FBXO34: variants seen among roughly 807,000 people sequenced by gnomAD.
FBXO34 encodes the protein F-box only protein 34.
FBXO34 carries 12 observed loss-of-function variants against 24.5 expected under a neutral mutation model. The observed-to-expected ratio is 0.49, with a 90% CI of 0.31 to 0.79. The LOEUF (loss-of-function observed/expected upper bound fraction) is 0.79, where lower values mean the gene tolerates loss of function less well. FBXO34 is among the 30% of genes least tolerant of loss of function. The pLI is 0.04. For synonymous variants in FBXO34, 320 were observed against 311.9 expected, an observed-to-expected ratio of 1.03 and a Z score of -0.27; for missense variants, 823 against 857.7, an observed-to-expected ratio of 0.96 and a Z score of 0.51.
rs369899790 is a variant in FBXO34, at chr14:55,352,365, C to T, written c.1975C>T (p.Pro659Ser). The change falls in exon 2 of 2, where the codon CCC (proline) becomes TCC (serine). Residue 659 changes from proline (P) to serine (S), a missense_variant. Coordinates refer to ENST00000313833, the MANE Select transcript of FBXO34 (RefSeq NM_017943.4). ...CCCCAAGCCCTATTGCCAGGCATTG[C>T]CCTATGGGCCAGGGTATTGGATGTG... ...WHPKPYCQAL[P>S]YGPGYWMCCH... 1.2e-6 allele frequency: 2 copies of T among 1,614,110 alleles called. No individual in the cohort carries two copies. The highest frequency in any genetic ancestry group is 1.7e-6 in the Non-Finnish European group (2 of 1,180,038).
At chr14:55,362,821 ATGT>A (rs1235332253), downstream of FBXO34, among the ~76,000 whole-genome samples, 2 of 152,106 alleles carry the variant, frequency 1.3e-5, no homozygotes, top group Admixed American at 1.3e-4. Context: ...CACTCCAGAA[ATGT>A]TGTCTTGACA....
the FBXO34 span, chr14:55,440,748 T>G: frequency 1.8e-6 from 1 of 561,254 alleles, no homozygotes; most frequent in African/African-American, 2.0e-5. Context: ...TGCCCGCAGC[T>G]GGGAAGGGCC....
intron 1 of FBXO34, among the ~76,000 whole-genome samples, chr14:55,316,564 C>CAAA (rs35008153): frequency 8.5e-6 from 1 of 118,170 alleles, no homozygotes; most frequent in Non-Finnish European, 1.8e-5. Flanking sequence ...CTGTCTCTAC[C>CAAA]AAAAAAAAAA....
downstream of FBXO34, chr14:55,369,810 C>T (rs1245771467): frequency 4.3e-6 from 7 of 1,614,050 alleles, no homozygotes; most frequent in African/African-American, 1.3e-5. Context: ...GTGCCCAGGT[C>T]GGTTTCTTCA....
chr14:55,396,157 C>T, the FBXO34 span, among the ~76,000 whole-genome samples: 1 of 152,270 alleles, frequency 6.6e-6, no homozygotes, highest in African/African-American at 2.4e-5. Context: ...TTTTTTTCAT[C>T]TCCTTCCTTT....
At chr14:55,407,254 G>A in the FBXO34 span, among the ~76,000 whole-genome samples, 3 of 152,140 alleles carry the variant, frequency 2.0e-5, no homozygotes, top group African/African-American at 4.8e-5. Context: ...TCAGCCTCCT[G>A]AGTAGCTGAG....
At chr14:55,439,617 C>CCCCTCCCCCG in the FBXO34 span, among the ~76,000 whole-genome samples, 1 of 72,698 alleles carries the variant, frequency 1.4e-5, no homozygotes, top group South Asian at 5.7e-4. Flanking sequence ...AAAGCAAACC[C>CCCCTCCCCCG]CCCCCCGTCT....
the FBXO34 span, among the ~76,000 whole-genome samples, chr14:55,375,421 C>T: frequency 6.6e-6 from 1 of 151,618 alleles, no homozygotes; most frequent in African/African-American, 2.4e-5. Context: ...CTCCTCAACT[C>T]AGGCGACCCT....
chr14:55,328,864 T>C (rs958371463), intron 1 of FBXO34, among the ~76,000 whole-genome samples: 57 of 152,174 alleles, frequency 3.7e-4, no homozygotes, highest in Non-Finnish European at 2.9e-5. Flanking sequence ...TTGATGCCTG[T>C]GTTTTCAAAA....
At chr14:55,363,593 T>G (rs886804308), downstream of FBXO34, among the ~76,000 whole-genome samples, 1 of 152,084 alleles carries the variant, frequency 6.6e-6, no homozygotes, top group Non-Finnish European at 1.5e-5. Context: ...TCTCCCAAAG[T>G]GCTGGGATCA....
At chr14:55,281,991 C>CTTTTTTTTTTTT (rs372305828) in intron 1 of FBXO34, among the ~76,000 whole-genome samples, 3 of 65,134 alleles carry the variant, frequency 4.6e-5, no homozygotes, top group African/African-American at 1.5e-4. Context: ...TTAAATTTAG[C>CTTTTTTTTTTTT]TTTTTTTTTT....
chr14:55,339,725 T>C (rs1185640481), intron 1 of FBXO34, among the ~76,000 whole-genome samples: 1 of 152,174 alleles, frequency 6.6e-6, no homozygotes, highest in Non-Finnish European at 1.5e-5. Flanking sequence ...CTTGGTAAGC[T>C]ACAAAAACAG....
chr14:55,394,910 T>G, the FBXO34 span: 1 of 377,224 alleles, frequency 2.7e-6, no homozygotes, highest in Non-Finnish European at 5.1e-6. Flanking sequence ...GTCTTCTGGT[T>G]GTACCAAAAA....
downstream of FBXO34, among the ~76,000 whole-genome samples, chr14:55,371,486 G>C (rs1482263576): frequency 6.6e-6 from 1 of 152,276 alleles, no homozygotes; most frequent in African/African-American, 2.4e-5. Flanking sequence ...TTCCCACTTG[G>C]TCTCCAGTGA....
chr14:55,323,025 A>AAAAC (rs1555337879), intron 1 of FBXO34, among the ~76,000 whole-genome samples: 1 of 107,742 alleles, frequency 9.3e-6, no homozygotes, highest in African/African-American at 3.5e-5. Flanking sequence ...TACAAAAAAA[A>AAAAC]AAAAAAAAGC....
chr14:55,285,309 G>T (rs1186623539), intron 1 of FBXO34: 1 of 151,358 alleles, frequency 6.6e-6, no homozygotes, highest in East Asian at 1.9e-4. Context: ...GGCAGAGGTT[G>T]CAGTGAGCCG....
At chr14:55,302,975 A>G (rs1478063295) in intron 1 of FBXO34, among the ~76,000 whole-genome samples, 3 of 152,222 alleles carry the variant, frequency 2.0e-5, no homozygotes, top group African/African-American at 7.2e-5. Flanking sequence ...TCAGCCGATC[A>G]TGGGATTGAA....
chr14:55,351,048 G>A lies in FBXO34; in HGVS notation c.658G>A (p.Ala220Thr). The part of the protein sequence containing the change: ...MVAFLEQRAS[A>T]LLASCSKNCT... The stretch of plus-strand genomic sequence containing the variant: ...TGCCTTCTTGGAGCAAAGAGCCAGT[G>A]CTCTGCTAGCTAGCTGTTCAAAAAA... The change falls in exon 2 of 2, where the codon GCT (alanine) becomes ACT (threonine). Residue 220 changes from alanine (A) to threonine (T), a missense_variant. Physicochemically the swap from Ala to Thr is moderately conservative, Grantham distance 58. Transcript: ENST00000313833. 2 of 1,614,230 alleles carry A rather than the reference G, an allele frequency of 1.2e-6. No homozygotes were observed. The highest frequency in any genetic ancestry group is 1.7e-6 in the Non-Finnish European group (2 of 1,180,044).
intron 1 of FBXO34, among the ~76,000 whole-genome samples, chr14:55,344,621 G>A (rs1232486414): frequency 1.3e-5 from 2 of 150,622 alleles, no homozygotes; most frequent in Non-Finnish European, 2.9e-5. Flanking sequence ...AGGTATACAC[G>A]TGCCATGGTG....
Sources: allele counts gnomAD v4.1 joint callset (sites outside exome capture counted in the v4.1 genomes callset), GRCh38; gene constraint gnomAD v4.1.1; transcripts MANE v1.5; gene names NCBI Gene and HGNC (gene_info 2026-07-23, HGNC 2026-07-21).